Variants in ZBBX observed in about 807,000 individuals in gnomAD.
ZBBX encodes the protein zinc finger B-box domain containing.
A neutral mutation model predicts 108.5 loss-of-function variants in ZBBX; 101 were observed. That is an observed-to-expected ratio of 0.93 (90% confidence interval 0.79 to 1.10). The LOEUF (loss-of-function observed/expected upper bound fraction) is 1.10. Ranked by LOEUF, ZBBX falls within the 50% of genes least tolerant of loss-of-function variation. ZBBX has a pLI of 0.00. For synonymous variants in ZBBX, 356 were observed against 323.4 expected (o/e 1.10, Z -1.08); for missense variants, 1,009 against 941.4 (o/e 1.07, Z -0.94).
intron 20 of ZBBX, among the ~76,000 whole-genome samples, chr3:167,245,185 G>T (rs990632127): frequency 6.6e-6 from 1 of 151,996 alleles, no homozygotes; most frequent in African/African-American, 2.4e-5. Context: ...AGGCCGAGGC[G>T]GGCGGATCAC....
chr3:167,211,216 C>A, the ZBBX span, among the ~76,000 whole-genome samples: 1 of 152,164 alleles, frequency 6.6e-6, no homozygotes, highest in Non-Finnish European at 1.5e-5. Flanking sequence ...GGAAACCACA[C>A]CTCTCTTGCA....
chr3:167,360,224 C>A (rs906314047), intron 7 of ZBBX, among the ~76,000 whole-genome samples: 3 of 149,028 alleles, frequency 2.0e-5, no homozygotes, highest in Admixed American at 1.3e-4. Context: ...TGTTTACTAT[C>A]CTCCAGAAAA....
At chr3:167,312,230 C>T (rs1734712959) in intron 16 of ZBBX, among the ~76,000 whole-genome samples, 2 of 151,946 alleles carry the variant, frequency 1.3e-5, no homozygotes, top group African/African-American at 2.4e-5. Context: ...TCTGGAAAGG[C>T]AAAACTATGA....
chr3:167,254,872 A>ATG (rs1491493453), intron 20 of ZBBX, among the ~76,000 whole-genome samples: 18 of 42,552 alleles, frequency 4.2e-4, no homozygotes, highest in East Asian at 2.2e-3. Flanking sequence ...AGCCTGTCAC[A>ATG]TGTGTGTGTG....
intron 19 of ZBBX, among the ~76,000 whole-genome samples, chr3:167,287,458 C>T (rs1422345893): frequency 6.6e-6 from 1 of 152,082 alleles, no homozygotes; most frequent in Non-Finnish European, 1.5e-5. Context: ...TGATTATGCC[C>T]ACAGCGACTT....
At position 167,250,626 on chromosome 3, in the gene ZBBX, T is replaced by C. The variant is rs1722417313; in HGVS notation, c.2255-7983A>G. Reference sequence around the variant, plus strand: ...ATGGCTCCCCTTGTCTAGGAACCCTTAGACCGCTAGGAGTCTGACTGCCAT... The same window carrying C: ...ATGGCTCCCCTTGTCTAGGAACCCTCAGACCGCTAGGAGTCTGACTGCCAT... On this transcript the variant is annotated intron_variant, in intron 20 of 21. Transcript: ENST00000675490. Among the ~76,000 whole-genome samples, 2 of 152,034 alleles carry C rather than the reference T, an allele frequency of 1.3e-5. 1 individual carries two copies. The highest frequency in any genetic ancestry group is 1.3e-4 in the Admixed American group (2 of 15,260).
intron 10 of ZBBX, 31 bp from the exon 11 acceptor site, chr3:167,328,147 T>C: frequency 6.4e-7 from 1 of 1,569,174 alleles, no homozygotes; most frequent in South Asian, 1.2e-5. Context: ...GCATGCTTTA[T>C]TAAATTTTCT....
chr3:167,317,746 T>C (rs746444563), intron 12 of ZBBX, 149 bp from the exon 13 acceptor site: 17 of 506,026 alleles, frequency 3.4e-5, no homozygotes, highest in African/African-American at 6.0e-5. Context: ...ATAAGTACAA[T>C]TGTATAACAG....
the ZBBX span, among the ~76,000 whole-genome samples, chr3:167,212,294 C>T: frequency 3.3e-5 from 5 of 152,132 alleles, no homozygotes; most frequent in South Asian, 4.2e-4. Context: ...ATCTTCTCAC[C>T]GAGCAGTTCT....
downstream of ZBBX, among the ~76,000 whole-genome samples, chr3:167,235,049 G>A (rs932353453): frequency 6.6e-6 from 1 of 151,692 alleles, no homozygotes; most frequent in African/African-American, 2.4e-5. Flanking sequence ...AGTAGTCCAT[G>A]ACTGTCTACT....
chr3:167,381,194 T>C (rs1747692598), upstream of ZBBX: 1 of 152,142 alleles, frequency 6.6e-6, no homozygotes, highest in African/African-American at 2.4e-5. Context: ...ATGATTTCAC[T>C]TGGCATATTC....
At chr3:167,325,264 G>GT (rs1381457802) in intron 11 of ZBBX, among the ~76,000 whole-genome samples, 1 of 152,114 alleles carries the variant, frequency 6.6e-6, no homozygotes, top group Non-Finnish European at 1.5e-5. Context: ...AAGGAAAGAG[G>GT]TTTAATTGAT....
the ZBBX span, among the ~76,000 whole-genome samples, chr3:167,221,200 GA>G: frequency 6.6e-6 from 1 of 151,628 alleles, no homozygotes; most frequent in East Asian, 1.9e-4. Context: ...CACAGAAATA[GA>G]AAAATGATCC....
chr3:167,326,810 TTAATTA>T (rs895081686), intron 11 of ZBBX, among the ~76,000 whole-genome samples: 1 of 152,026 alleles, frequency 6.6e-6, no homozygotes, highest in African/African-American at 2.4e-5. Context: ...ATTTAAAAGT[TTAATTA>T]TAATTAGAAG....
chr3:167,362,079 G>C (rs1369283943), intron 6 of ZBBX, among the ~76,000 whole-genome samples: 6 of 152,060 alleles, frequency 3.9e-5, no homozygotes, highest in Non-Finnish European at 7.4e-5. Context: ...TTATCTGTTA[G>C]GGAAAGGGTT....
At chr3:167,314,976 A>G (rs939599846) in intron 15 of ZBBX, among the ~76,000 whole-genome samples, 2 of 152,160 alleles carry the variant, frequency 1.3e-5, no homozygotes, top group Non-Finnish European at 2.9e-5. Flanking sequence ...CCCACTTCCA[A>G]AAGCACATTT....
chr3:167,289,623 C>T (rs1017235332), intron 18 of ZBBX, among the ~76,000 whole-genome samples: 13 of 152,328 alleles, frequency 8.5e-5, no homozygotes, highest in South Asian at 2.1e-4. Flanking sequence ...AGATCCCCTC[C>T]GGTGCCTACA....
chr3:167,218,323 A>G, the ZBBX span, among the ~76,000 whole-genome samples: 2,003 of 152,278 alleles, frequency 0.013, 52 homozygotes, highest in African/African-American at 0.046. Flanking sequence ...AGAAAAACAT[A>G]GAATATTATA....
intron 11 of ZBBX, among the ~76,000 whole-genome samples, chr3:167,324,162 T>C (rs1736960447): frequency 6.6e-6 from 1 of 152,076 alleles, no homozygotes; most frequent in Non-Finnish European, 1.5e-5. Flanking sequence ...TTTTTTTCTT[T>C]GTGATAGGCT....
Sources: gnomAD v4.1 joint callset for allele counts (sites outside exome capture counted in the v4.1 genomes callset) on GRCh38, gnomAD v4.1.1 for gene constraint, MANE v1.5 for transcripts, NCBI Gene and HGNC (gene_info 2026-07-23, HGNC 2026-07-21) for gene names.